The following TRIM5 variants were observed in gnomAD, a reference collection of about 807,000 sequenced individuals.
TRIM5 encodes the protein tripartite motif-containing protein 5.
A neutral mutation model predicts 35.6 loss-of-function variants in TRIM5; 31 were observed. That is an observed-to-expected ratio of 0.87 (90% CI 0.65 to 1.18). The LOEUF is 1.18. Among genes scored for constraint, TRIM5 ranks in the 50% most tolerant of loss-of-function variants. The pLI, the probability that TRIM5 is intolerant of heterozygous loss-of-function variation, is 0.00. For missense variants in TRIM5, 609 were observed against 591.6 expected, an observed-to-expected ratio of 1.03 and a Z score of -0.31; for synonymous variants, 243 against 215.6, an observed-to-expected ratio of 1.13 and a Z score of -1.11.
intron 5 of TRIM5, 99 bp downstream of exon 5, chr11:5,667,590 C>T: frequency 7.6e-7 from 1 of 1,312,712 alleles, no homozygotes; most frequent in Non-Finnish European, 1.1e-6. Context: ...TTTTTCTGCC[C>T]TGGGAGATGT....
chr11:5,665,476 A>C (rs1485925338), intron 7 of TRIM5, 81 bp from the exon 8 acceptor site: 3 of 1,544,766 alleles, frequency 1.9e-6, no homozygotes, highest in Non-Finnish European at 2.6e-6. Context: ...TAAAGACTTG[A>C]GAGAAAACTG....
At chr11:5,596,808 G>T in the TRIM5 span, 1 of 1,600,934 alleles carries the variant, frequency 6.2e-7, no homozygotes, top group Non-Finnish European at 8.6e-7. Flanking sequence ...TGTTCCTTAA[G>T]ATTAGTTTAA....
At chr11:5,667,531 T>C (rs1417854244) in intron 5 of TRIM5, among the ~76,000 whole-genome samples, 158 bp downstream of exon 5, 1 of 152,176 alleles carries the variant, frequency 6.6e-6, no homozygotes, top group African/African-American at 2.4e-5. Context: ...TTATAGAACA[T>C]TCGAATGCTG....
the TRIM5 span, chr11:5,634,540 T>G: frequency 2.3e-6 from 2 of 853,560 alleles, no homozygotes; most frequent in Admixed American, 3.0e-5. Context: ...CATATATATA[T>G]ATATATATTT....
the TRIM5 span, among the ~76,000 whole-genome samples, chr11:5,621,128 C>G: frequency 6.6e-6 from 1 of 152,198 alleles, no homozygotes; most frequent in Admixed American, 6.5e-5. Context: ...TATCCATTTT[C>G]CTTTAACCCC....
intron 4 of TRIM5, among the ~76,000 whole-genome samples, chr11:5,669,463 G>A (rs537383897): frequency 8.3e-4 from 126 of 152,104 alleles, no homozygotes; most frequent in African/African-American, 3.0e-3. Context: ...ATGTACCAAT[G>A]CAATGTCTTT....
rs2134108938 is a variant in TRIM5 at position 5,678,444 on chromosome 11, T to C, written c.514-10A>G. On this transcript the variant is annotated splice_polypyrimidine_tract_variant and intron_variant, in intron 3 of 7. Coordinates refer to ENST00000380034, the MANE Select transcript of TRIM5 (RefSeq NM_033034.3). The stretch of plus-strand genomic sequence containing the variant: ...CATACTGTATTTGAGTCTTCAGAGA[T>C]AAGAGAAGAGAAAGGGGCACTCAGT... 2.0e-6 allele frequency: 3 copies of C among 1,501,866 alleles called. No homozygotes were observed. In the South Asian group the frequency reaches 4.1e-5, roughly 21 times the overall value. The allele number at this position is 1,501,866 out of a possible 1,614,324, so 93.0% of individuals were successfully genotyped here.
chr11:5,604,782 AG>A, the TRIM5 span: 1 of 712,004 alleles, frequency 1.4e-6, no homozygotes, highest in East Asian at 2.9e-5. Flanking sequence ...CCTTCCAAAC[AG>A]GGGGAGGAGA....
chr11:5,682,880 G>A (rs1564929734), intron 1 of TRIM5, among the ~76,000 whole-genome samples: 1 of 152,238 alleles, frequency 6.6e-6, no homozygotes, highest in South Asian at 2.1e-4. Flanking sequence ...CCGCTGCACT[G>A]TGGGAGCCCC....
At chr11:5,612,766 G>A in the TRIM5 span, 1 of 152,178 alleles carries the variant, frequency 6.6e-6, no homozygotes, top group African/African-American at 2.4e-5. Context: ...AGCCACCAAT[G>A]TCTGTTGAGT....
At chr11:5,600,484 G>A in the TRIM5 span, among the ~76,000 whole-genome samples, 16 of 152,116 alleles carry the variant, frequency 1.1e-4, no homozygotes, top group Non-Finnish European at 2.1e-4. Context: ...TTTTCGGCTC[G>A]CTAGATCCCC....
chr11:5,633,962 G>T, the TRIM5 span: 1 of 1,571,828 alleles, frequency 6.4e-7, no homozygotes, highest in Non-Finnish European at 8.7e-7. Context: ...ATCCAAGGAG[G>T]CCTCGTCCTT....
the TRIM5 span, chr11:5,604,566 GA>G: frequency 6.2e-7 from 1 of 1,613,338 alleles, no homozygotes. Flanking sequence ...AGAAGCTGAA[GA>G]ACGAGGAGCA....
chr11:5,633,815 G>C, the TRIM5 span: 1 of 1,613,898 alleles, frequency 6.2e-7, no homozygotes, highest in Non-Finnish European at 8.5e-7. Context: ...AGAAACTCCA[G>C]GCAGTCCTCA....
At chr11:5,636,867 C>T in the TRIM5 span, among the ~76,000 whole-genome samples, 9 of 152,162 alleles carry the variant, frequency 5.9e-5, no homozygotes, top group Non-Finnish European at 1.2e-4. Context: ...AATCTGTTGG[C>T]GGGGCGCGGT....
At chr11:5,608,253 C>G in the TRIM5 span, 2 of 1,455,140 alleles carry the variant, frequency 1.4e-6, no homozygotes, top group South Asian at 1.4e-5. Context: ...ACTTTGTGGC[C>G]TCCACATTAG....
At chr11:5,610,103 A>T in the TRIM5 span, 2 of 1,610,272 alleles carry the variant, frequency 1.2e-6, no homozygotes, top group Non-Finnish European at 1.7e-6. Context: ...GGAGGAACCC[A>T]CAGTCAGCAG....
chr11:5,631,663 G>T, the TRIM5 span, among the ~76,000 whole-genome samples: 1 of 152,110 alleles, frequency 6.6e-6, no homozygotes, highest in Admixed American at 6.6e-5. Context: ...ACCACATCTG[G>T]GGTTCTAAAG....
chr11:5,621,144 C>T, the TRIM5 span, among the ~76,000 whole-genome samples: 1 of 152,228 alleles, frequency 6.6e-6, no homozygotes, highest in Non-Finnish European at 1.5e-5. Flanking sequence ...ACCCCTGCAT[C>T]CCAGTCACCC....
Sources: allele counts gnomAD v4.1 joint callset (sites outside exome capture counted in the v4.1 genomes callset), GRCh38; gene constraint gnomAD v4.1.1; transcripts MANE v1.5; gene names NCBI Gene and HGNC (gene_info 2026-07-23, HGNC 2026-07-21).